The following DPP10 variants were observed in gnomAD, a reference collection of about 807,000 sequenced individuals.
DPP10 encodes inactive dipeptidyl peptidase 10.
A neutral mutation model predicts 120.9 loss-of-function variants in DPP10; 33 were observed. That is an observed-to-expected ratio of 0.27 (90% CI 0.21 to 0.37). The LOEUF (loss-of-function observed/expected upper bound fraction) is 0.37. DPP10 is among the 10% of genes least tolerant of loss of function. DPP10 has a pLI of 1.00. For missense variants in DPP10, 816 were observed against 942.8 expected (o/e 0.87, Z 1.76); for synonymous variants, 337 against 326.1 (o/e 1.03, Z -0.36).
intron 1 of DPP10, among the ~76,000 whole-genome samples, chr2:115,284,513 A>G (rs1431916862): frequency 1.3e-5 from 2 of 152,026 alleles, no homozygotes; most frequent in African/African-American, 4.8e-5. Context: ...ACTGCACAAA[A>G]TATTATCTGT....
At chr2:115,347,271 G>T (rs1415892828) in intron 3 of DPP10, among the ~76,000 whole-genome samples, 1 of 152,042 alleles carries the variant, frequency 6.6e-6, no homozygotes, top group Non-Finnish European at 1.5e-5. Context: ...ACCCAGCAAA[G>T]CTTACCTGTT....
intron 3 of DPP10, among the ~76,000 whole-genome samples, chr2:115,449,048 AG>A (rs1352049359): frequency 7.9e-5 from 12 of 152,140 alleles, no homozygotes; most frequent in Admixed American, 6.6e-4. Flanking sequence ...AATATTTTGA[AG>A]GGATTTTCAT....
chr2:114,622,806 A>C (rs17715867), intron 1 of DPP10, among the ~76,000 whole-genome samples: 7,245 of 152,230 alleles, frequency 0.048, 262 homozygotes, highest in Non-Finnish European at 0.076. Context: ...TCATCAGAGA[A>C]AAAGCAAATG....
chr2:115,469,954 T>A (rs986534109), intron 3 of DPP10, among the ~76,000 whole-genome samples: 1 of 152,128 alleles, frequency 6.6e-6, no homozygotes, highest in African/African-American at 2.4e-5. Context: ...ATCTGTGTAT[T>A]GTATTGCATT....
intron 21 of DPP10, among the ~76,000 whole-genome samples, chr2:115,827,951 T>C (rs1688544819): frequency 6.6e-6 from 1 of 152,130 alleles, no homozygotes; most frequent in Non-Finnish European, 1.5e-5. Context: ...TGTTTATATA[T>C]TTACCCAGGT....
At chr2:115,412,299 TTTACTC>T (rs1349198721) in intron 3 of DPP10, among the ~76,000 whole-genome samples, 1 of 152,152 alleles carries the variant, frequency 6.6e-6, no homozygotes, top group African/African-American at 2.4e-5. Context: ...CTATACATAT[TTTACTC>T]TTACACAGGA....
rs1436075982 is a variant in DPP10 at position 115,733,409 on chromosome 2, A to G, written c.697+5473A>G. On this transcript the variant is annotated intron_variant, in intron 8 of 25. Coordinates refer to ENST00000410059, the MANE Select transcript of DPP10 (RefSeq NM_020868.6). ...GAGTCTCCAGAGGTCAAACAAGGGA[A>G]GGATTCCAAAGCTTTTGTTGGATTT... is the stretch of plus-strand genomic sequence containing the variant. Among the ~76,000 whole-genome samples the G allele has an allele frequency of 2.0e-5, 3 of 152,162 alleles. No homozygotes were observed. The East Asian group carries it at 5.8e-4, about 29-fold the overall frequency.
chr2:115,373,567 C>G (rs1442566810), intron 3 of DPP10, among the ~76,000 whole-genome samples: 1 of 151,580 alleles, frequency 6.6e-6, no homozygotes, highest in Admixed American at 6.6e-5. Flanking sequence ...GAAAAAGGAG[C>G]TCAAAAAATA....
At chr2:114,756,960 C>A (rs1329993478) in intron 1 of DPP10, among the ~76,000 whole-genome samples, 1 of 152,046 alleles carries the variant, frequency 6.6e-6, no homozygotes, top group African/African-American at 2.4e-5. Flanking sequence ...GTTACACAGT[C>A]CTCAAGGGTT....
chr2:114,493,238 A>T (rs1038810407), intron 1 of DPP10, among the ~76,000 whole-genome samples: 1 of 152,150 alleles, frequency 6.6e-6, no homozygotes, highest in African/African-American at 2.4e-5. Context: ...CTATTCCTAT[A>T]AGGTAAGTGG....
In DPP10 at chr2:115,766,108, C is replaced by T. The variant is rs188753559; in HGVS notation, c.1114-2189C>T. ...ATGCAGTAGTGAAAAATACAAGTTT[C>T]CTGCCCTATGGGGCTTACATTACAG... On this transcript the variant is annotated intron_variant, in intron 12 of 25. Coordinates refer to ENST00000410059, the MANE Select transcript of DPP10 (RefSeq NM_020868.6). Among the ~76,000 whole-genome samples the T allele has an allele frequency of 1.8e-3, 273 of 151,744 alleles. 1 individual carries two copies. The highest frequency in any genetic ancestry group is 0.012 in the Admixed American group (182 of 15,208).
At chr2:115,334,810 T>C (rs2063021288) in intron 2 of DPP10, among the ~76,000 whole-genome samples, 1 of 151,920 alleles carries the variant, frequency 6.6e-6, no homozygotes, top group African/African-American at 2.4e-5. Context: ...TAAAAGTAAA[T>C]GAGCTCCGTA....
chr2:115,697,980 TAAAACAAATAAA>T (rs1482240139), intron 7 of DPP10, among the ~76,000 whole-genome samples: 1 of 152,018 alleles, frequency 6.6e-6, no homozygotes, highest in Non-Finnish European at 1.5e-5. Context: ...GACTCCATCT[TAAAACAAATAAA>T]TAAACAAATA....
intron 1 of DPP10, chr2:115,162,224 C>T (rs756659116): frequency 1.2e-4 from 194 of 1,559,244 alleles, no homozygotes; most frequent in East Asian, 2.8e-4. Context: ...CTCCGGGGCC[C>T]GGCGAGAGGA....
intron 1 of DPP10, among the ~76,000 whole-genome samples, chr2:115,288,789 T>C (rs779219899): frequency 5.3e-5 from 8 of 151,888 alleles, no homozygotes; most frequent in Non-Finnish European, 7.4e-5. Context: ...AGAAGAAACA[T>C]ACCTCAAAGT....
chr2:114,489,879 C>T (rs891104098), intron 1 of DPP10, among the ~76,000 whole-genome samples: 9 of 152,142 alleles, frequency 5.9e-5, no homozygotes, highest in African/African-American at 2.2e-4. Flanking sequence ...AGTTTGTTAA[C>T]CCATCAGAGA....
chr2:115,694,456 A>G (rs1169723033), intron 7 of DPP10, among the ~76,000 whole-genome samples: 1 of 152,208 alleles, frequency 6.6e-6, no homozygotes, highest in African/African-American at 2.4e-5. Context: ...AATATTGAGG[A>G]GAACTTTCAA....
intron 1 of DPP10, among the ~76,000 whole-genome samples, chr2:114,796,913 C>A (rs961925780): frequency 1.3e-5 from 2 of 152,152 alleles, no homozygotes; most frequent in Admixed American, 6.6e-5. Flanking sequence ...TAAAAATTAA[C>A]CCCTTCTCTT....
chr2:115,580,048 C>T (rs903065601), intron 5 of DPP10: 3 of 152,154 alleles, frequency 2.0e-5, no homozygotes, highest in African/African-American at 7.2e-5. Flanking sequence ...GTTCAGCTCC[C>T]ACTTATAAGT....
Sources: gnomAD v4.1 joint callset for allele counts (sites outside exome capture counted in the v4.1 genomes callset) on GRCh38, gnomAD v4.1.1 for gene constraint, MANE v1.5 for transcripts, NCBI Gene and HGNC (gene_info 2026-07-23, HGNC 2026-07-21) for gene names.